The following FMN1 variants were observed in gnomAD, a reference collection of about 807,000 sequenced individuals.
The protein encoded by FMN1 is formin-1.
FMN1 carries 110 observed loss-of-function variants against 132.4 expected under a neutral mutation model. The observed-to-expected ratio is 0.83, with a 90% confidence interval of 0.71 to 0.97. The LOEUF is 0.97. FMN1 is among the 50% of genes least tolerant of loss of function. FMN1 has a pLI of 0.00. For missense variants in FMN1, 1,792 were observed against 1,705.3 expected (o/e 1.05, Z -0.90); for synonymous variants, 722 against 651.7 (o/e 1.11, Z -1.64).
At chr15:32,858,132 C>T (rs944780699) in intron 16 of FMN1, among the ~76,000 whole-genome samples, 1 of 152,224 alleles carries the variant, frequency 6.6e-6, no homozygotes, top group Middle Eastern at 3.4e-3. Context: ...TTTATAAACA[C>T]ACAGGTAAGG....
At chr15:33,070,225 G>T (rs961201793) in intron 5 of FMN1, among the ~76,000 whole-genome samples, 3 of 151,304 alleles carry the variant, frequency 2.0e-5, no homozygotes, top group Admixed American at 1.3e-4. Flanking sequence ...GGCTGGTCTC[G>T]AACTCGTGGC....
chr15:33,125,515 C>G (rs1962972681), intron 4 of FMN1, among the ~76,000 whole-genome samples: 1 of 152,030 alleles, frequency 6.6e-6, no homozygotes, highest in African/African-American at 2.4e-5. Flanking sequence ...GAACCCTTCT[C>G]AAATTTGGAT....
intron 6 of FMN1, among the ~76,000 whole-genome samples, chr15:33,060,100 A>G (rs908277811): frequency 2.6e-5 from 4 of 152,212 alleles, no homozygotes; most frequent in Non-Finnish European, 4.4e-5. Context: ...TACAGCTTCC[A>G]ATTTCTAGGC....
chr15:32,793,575 C>A (rs1389006225), intron 19 of FMN1, among the ~76,000 whole-genome samples: 1 of 152,176 alleles, frequency 6.6e-6, no homozygotes, highest in African/African-American at 2.4e-5. Context: ...GCCACTACGC[C>A]CGGCTGTTCT....
intron 4 of FMN1, among the ~76,000 whole-genome samples, chr15:33,124,588 A>G (rs1006282554): frequency 1.3e-5 from 2 of 152,178 alleles, no homozygotes; most frequent in African/African-American, 4.8e-5. Flanking sequence ...GGTCTTCACC[A>G]TCAGCATATA....
At chr15:33,167,993 C>T (rs1057460005) in intron 3 of FMN1, among the ~76,000 whole-genome samples, 1 of 152,100 alleles carries the variant, frequency 6.6e-6, no homozygotes, top group African/African-American at 2.4e-5. Context: ...AAAAAATTCA[C>T]GTAAAAATGG....
chr15:32,964,199 TG>T lies in FMN1; in HGVS notation c.3045del (p.Ser1016ValfsTer47). On this transcript the variant is annotated frameshift_variant, in exon 9 of 21. Transcript: ENST00000616417. LOFTEE classifies it high-confidence loss of function. ...TTGGAGAATAAATACTCAAATTCAC[TG>T]GGGTCCCGAATGTCAGGTTCTTCTA... ...DSLEEPDIRD[P>X]SEFEYLFSKD... 1 of 1,612,898 alleles carries T rather than the reference TG, an allele frequency of 6.2e-7. No homozygotes were observed. Among genetic ancestry groups the T allele is most frequent in the Non-Finnish European group, 8.5e-7 (1 of 1,179,086 alleles).
intron 15 of FMN1, among the ~76,000 whole-genome samples, chr15:32,895,713 T>G (rs1186068214): frequency 2.0e-5 from 3 of 151,802 alleles, no homozygotes; most frequent in Non-Finnish European, 4.4e-5. Flanking sequence ...GTGATATATT[T>G]TGCCATTTTT....
chr15:33,074,503 C>T lies in FMN1; in HGVS notation c.2044-9429G>A, dbSNP rs372462728. ...AAGGACTGTGATTAAGGGCTTTTTT[C>T]TCTGTTGAAAAGTCTTAAGAGTAAA... On this transcript the variant is annotated intron_variant, in intron 5 of 20. Transcript: ENST00000616417. 2.2e-4 allele frequency among the ~76,000 whole-genome samples: 33 copies of T among 152,266 alleles called. No homozygotes were observed. The East Asian group carries it at 5.4e-3, about 25-fold the overall frequency.
intron 2 of FMN1, among the ~76,000 whole-genome samples, chr15:33,193,626 A>C (rs576838898): frequency 6.6e-6 from 1 of 152,162 alleles, no homozygotes. Flanking sequence ...CTCCCCATAT[A>C]TATCACAGGT....
At chr15:32,845,694 C>T (rs2058839484) in intron 17 of FMN1, among the ~76,000 whole-genome samples, 1 of 152,176 alleles carries the variant, frequency 6.6e-6, no homozygotes. Context: ...AAATGAAGTG[C>T]TATGCACCTG....
At chr15:33,172,075 G>A (rs986842291) in intron 3 of FMN1, among the ~76,000 whole-genome samples, 1 of 152,198 alleles carries the variant, frequency 6.6e-6, no homozygotes, top group Non-Finnish European at 1.5e-5. Flanking sequence ...GGGCGTGGTG[G>A]CGGGCGCCTG....
At chr15:32,861,716 A>G (rs924519470) in intron 16 of FMN1, among the ~76,000 whole-genome samples, 1 of 152,180 alleles carries the variant, frequency 6.6e-6, no homozygotes, top group Non-Finnish European at 1.5e-5. Flanking sequence ...GTATTTACGG[A>G]AATATGCCAC....
chr15:33,009,960 C>T (rs1012991603), intron 6 of FMN1, among the ~76,000 whole-genome samples: 1 of 152,140 alleles, frequency 6.6e-6, no homozygotes, highest in Non-Finnish European at 1.5e-5. Flanking sequence ...GATCTTGGCT[C>T]ACTGGAACCT....
intron 10 of FMN1, among the ~76,000 whole-genome samples, chr15:32,913,166 T>C (rs774588355): frequency 5.3e-5 from 8 of 152,038 alleles, no homozygotes; most frequent in African/African-American, 9.7e-5. Flanking sequence ...TCAGAAAGCA[T>C]TATTAACAGG....
intron 7 of FMN1, among the ~76,000 whole-genome samples, chr15:32,991,154 T>C (rs535335252): frequency 2.6e-5 from 4 of 152,310 alleles, no homozygotes; most frequent in South Asian, 2.1e-4. Context: ...AAGGCATTTA[T>C]AGCCCATAGA....
intron 17 of FMN1, among the ~76,000 whole-genome samples, chr15:32,855,046 T>C (rs2059096030): frequency 1.3e-5 from 2 of 148,954 alleles, no homozygotes; most frequent in Admixed American, 1.4e-4. Context: ...GTCTCTAACA[T>C]AGAGCCTAAC....
intron 9 of FMN1, among the ~76,000 whole-genome samples, chr15:32,962,415 T>A (rs2030675127): frequency 2.0e-5 from 3 of 151,898 alleles, no homozygotes; most frequent in African/African-American, 7.3e-5. Flanking sequence ...GCATTACCAT[T>A]CAGGACATAG....
intron 17 of FMN1, among the ~76,000 whole-genome samples, chr15:32,836,790 C>T (rs1304021542): frequency 2.6e-5 from 4 of 152,110 alleles, no homozygotes; most frequent in East Asian, 1.9e-4. Context: ...CAAAGCTGAA[C>T]GTGCTCACTT....
Sources: gnomAD v4.1 joint callset for allele counts (sites outside exome capture counted in the v4.1 genomes callset) on GRCh38, gnomAD v4.1.1 for gene constraint, MANE v1.5 for transcripts, NCBI Gene and HGNC (gene_info 2026-07-23, HGNC 2026-07-21) for gene names.